PRORP: variants seen among roughly 807,000 people sequenced by gnomAD.
PRORP encodes protein only RNase P catalytic subunit.
In PRORP, 51 loss-of-function variants were observed where a neutral mutation model predicts 59.4. That is an observed-to-expected ratio of 0.86 (90% CI 0.69 to 1.08). The LOEUF (loss-of-function observed/expected upper bound fraction) is 1.08. PRORP is among the 50% of genes least tolerant of loss of function. The probability of loss-of-function intolerance (pLI) is 0.00; values close to 1 mark genes in which losing one functional copy is unlikely to be tolerated. For synonymous variants in PRORP, 231 were observed against 245.6 expected, an observed-to-expected ratio of 0.94 and a Z score of 0.55; for missense variants, 646 against 690.3, an observed-to-expected ratio of 0.94 and a Z score of 0.72.
intron 4 of PRORP, among the ~76,000 whole-genome samples, chr14:35,154,731 C>G (rs2047868949): frequency 1.3e-5 from 2 of 151,156 alleles, no homozygotes; most frequent in South Asian, 4.2e-4. Context: ...GAGCAATGAT[C>G]TATAGATAAA....
intron 5 of PRORP, among the ~76,000 whole-genome samples, chr14:35,199,320 T>G (rs1595291671): frequency 2.2e-5 from 3 of 134,700 alleles, no homozygotes; most frequent in African/African-American, 2.8e-5. Context: ...GGCGAGAGAG[T>G]GAGACTCCAT....
At chr14:35,200,253 C>G (rs551952115) in intron 5 of PRORP, among the ~76,000 whole-genome samples, 1 of 152,004 alleles carries the variant, frequency 6.6e-6, no homozygotes, top group Non-Finnish European at 1.5e-5. Context: ...AGTGCTGTGG[C>G]ACGATCTTGG....
intron 5 of PRORP, among the ~76,000 whole-genome samples, chr14:35,203,790 AG>A (rs976096546): frequency 2.0e-5 from 3 of 152,102 alleles, no homozygotes; most frequent in Non-Finnish European, 4.4e-5. Context: ...CATGAACCCC[AG>A]GGGGCGGAGC....
chr14:35,240,055 A>T (rs1239421606), intron 5 of PRORP, among the ~76,000 whole-genome samples: 3 of 150,098 alleles, frequency 2.0e-5, no homozygotes, highest in Admixed American at 6.7e-5. Flanking sequence ...AACCTGGGTG[A>T]CAGAGTAAGA....
At chr14:35,200,575 AGT>A in intron 5 of PRORP, among the ~76,000 whole-genome samples, 1 of 152,076 alleles carries the variant, frequency 6.6e-6, no homozygotes, top group Middle Eastern at 3.4e-3. Flanking sequence ...TTTTAAAATT[AGT>A]GTTATATTAT....
At chr14:35,256,111 C>G (rs1223327451) in intron 5 of PRORP, among the ~76,000 whole-genome samples, 1 of 151,062 alleles carries the variant, frequency 6.6e-6, no homozygotes, top group Admixed American at 6.6e-5. Context: ...TGGTGAAACC[C>G]CATCTCTACT....
chr14:35,228,395 C>T (rs1195295407), intron 5 of PRORP, among the ~76,000 whole-genome samples: 2 of 152,110 alleles, frequency 1.3e-5, no homozygotes, highest in Non-Finnish European at 2.9e-5. Flanking sequence ...TACGAATGAT[C>T]CCCTCACCCA....
intron 4 of PRORP, among the ~76,000 whole-genome samples, chr14:35,151,094 A>G (rs1214169484): frequency 6.6e-6 from 1 of 152,008 alleles, no homozygotes; most frequent in Non-Finnish European, 1.5e-5. Context: ...AAGTGTTGTG[A>G]GTTCTTTATA....
chr14:35,257,856 A>G (rs1459255304), intron 5 of PRORP, among the ~76,000 whole-genome samples: 1 of 152,228 alleles, frequency 6.6e-6, no homozygotes, highest in Non-Finnish European at 1.5e-5. Context: ...AAAGGAAGTT[A>G]ACATTTGCTG....
intron 5 of PRORP, among the ~76,000 whole-genome samples, chr14:35,225,017 A>G (rs1443015243): frequency 6.6e-6 from 1 of 152,034 alleles, no homozygotes; most frequent in South Asian, 2.1e-4. Context: ...AATTATTTCT[A>G]CCTATCCATG....
At chr14:35,264,944 G>A (rs542438748) in intron 5 of PRORP, among the ~76,000 whole-genome samples, 47 of 152,202 alleles carry the variant, frequency 3.1e-4, no homozygotes, top group East Asian at 5.8e-4. Flanking sequence ...AACTGAGATC[G>A]CGCCACTGCC....
Position 35,274,137 on chromosome 14 carries a change from C to G in PRORP, c.*571C>G, listed in dbSNP as rs2138690125. The G allele has an allele frequency of 6.6e-6, 1 of 152,272 alleles. No individual in the cohort carries two copies. The highest frequency in any genetic ancestry group is 1.9e-4 in the East Asian group (1 of 5,186). The allele number at this position is 152,272 out of a possible 1,614,324, so 9.4% of individuals were successfully genotyped here. ...TGGATTGGAGAAGAGGGGGCATTCA[C>G]TCCTCTTTTTCTTATTTTTTTTGGA... On this transcript the variant is annotated 3_prime_UTR_variant, in exon 8 of 8. Transcript: ENST00000534898.
At chr14:35,232,417 G>T (rs2050105311) in intron 5 of PRORP, among the ~76,000 whole-genome samples, 1 of 151,888 alleles carries the variant, frequency 6.6e-6, no homozygotes, top group South Asian at 2.1e-4. Flanking sequence ...TCACTGTGTT[G>T]CCCAGGTTAG....
Position 35,172,453 on chromosome 14 carries a change from C to T in PRORP, c.1168-8217C>T, listed in dbSNP as rs112100479. Among the ~76,000 whole-genome samples the T allele has an allele frequency of 9.8e-4, 46 of 46,736 alleles. 1 individual carries two copies. Among genetic ancestry groups the T allele is most frequent in the African/African-American group, 1.9e-3 (32 of 16,600 alleles). The allele number at this position is 46,736 out of a possible 152,430, so 30.7% of individuals were successfully genotyped here. A position where few individuals can be genotyped will look rare whatever the true frequency, so the allele number is the denominator to read the frequency against. On this transcript the variant is annotated intron_variant, in intron 4 of 7. Transcript: ENST00000534898. The stretch of plus-strand genomic sequence containing the variant: ...CCTTCCTTCCTTCCTTCCTTCCTTC[C>T]TTCTTTCTTTCTTTCCCCTCTTTCC...
At chr14:35,268,361 A>AAAC (rs1566539445) in intron 6 of PRORP, among the ~76,000 whole-genome samples, 1 of 151,428 alleles carries the variant, frequency 6.6e-6, no homozygotes, top group Non-Finnish European at 1.5e-5. Flanking sequence ...AAAAAAAAAA[A>AAAC]AACAACCCAC....
In PRORP at chr14:35,143,521, T is replaced by C. The variant is rs182270584; in HGVS notation, c.1167+15910T>C. On this transcript the variant is annotated intron_variant, in intron 4 of 7. Transcript: ENST00000534898. ...ACTATTATAAAACATAACATTTTTA[T>C]AGAAAATAATTCTGTTGTCCAGAAT... Among the ~76,000 whole-genome samples the C allele has an allele frequency of 2.3e-4, 34 of 146,310 alleles. 1 individual carries two copies. The highest frequency in any genetic ancestry group is 8.2e-4 in the African/African-American group (34 of 41,260).
At chr14:35,170,230 G>T (rs1225634316) in intron 4 of PRORP, among the ~76,000 whole-genome samples, 1 of 151,940 alleles carries the variant, frequency 6.6e-6, no homozygotes, top group African/African-American at 2.4e-5. Flanking sequence ...TTTTTTATAA[G>T]GTTGGATTTA....
At position 35,254,960 on chromosome 14, in the gene PRORP, T is replaced by A. The variant is rs1013284552; in HGVS notation, c.1276-11767T>A. Among the ~76,000 whole-genome samples the A allele has an allele frequency of 5.3e-5, 8 of 152,120 alleles. No individual in the cohort carries two copies. In the East Asian group the frequency reaches 7.7e-4, roughly 15 times the overall value. On this transcript the variant is annotated intron_variant, in intron 5 of 7. Coordinates refer to ENST00000534898, the MANE Select transcript of PRORP (RefSeq NM_014672.4). ...TCCCATTCCTTGCCGGGCTAGTTCA[T>A]CTGAAAACTCAGCTCTGCTGTCACT...
rs202086629 is a variant in PRORP, at chr14:35,123,523, G to A, written c.278G>A (p.Arg93Lys). 6.2e-7 allele frequency: 1 copy of A among 1,614,150 alleles called. No homozygotes were observed. Among genetic ancestry groups the A allele is most frequent in the Non-Finnish European group, 8.5e-7 (1 of 1,180,030 alleles). The part of the protein sequence containing the change: ...HFFLAGAAKE[R>K]SQMNSQTEDH... ...TTTTTAGCTGGAGCAGCTAAGGAGA[G>A]ATCACAGATGAATTCTCAAACTGAA... The change falls in exon 2 of 8, where the codon AGA (arginine) becomes AAA (lysine). Residue 93 changes from arginine (R) to lysine (K), a missense_variant. By Grantham distance (26) the Arg-to-Lys change is conservative (BLOSUM62 2). Coordinates refer to ENST00000534898, the MANE Select transcript of PRORP (RefSeq NM_014672.4).
Sources: gnomAD v4.1 joint callset for allele counts (sites outside exome capture counted in the v4.1 genomes callset) on GRCh38, gnomAD v4.1.1 for gene constraint, MANE v1.5 for transcripts, NCBI Gene and HGNC (gene_info 2026-07-23, HGNC 2026-07-21) for gene names.